Variants in SGCD observed in about 807,000 individuals in gnomAD.
SGCD encodes the protein delta-sarcoglycan.
SGCD carries 18 observed loss-of-function variants against 36.6 expected under a neutral mutation model. The ratio of observed to expected loss-of-function variants is 0.49; its 90% CI spans 0.34 to 0.73. The LOEUF (loss-of-function observed/expected upper bound fraction) is 0.73. Ranked by LOEUF, SGCD falls within the 30% of genes least tolerant of loss-of-function variation. The probability of loss-of-function intolerance (pLI) is 0.01; values close to 1 mark genes in which losing one functional copy is unlikely to be tolerated. For missense variants in SGCD, 387 were observed against 346.7 expected, an observed-to-expected ratio of 1.12 and a Z score of -0.92; for synonymous variants, 133 against 130.6, an observed-to-expected ratio of 1.02 and a Z score of -0.12.
intron 4 of SGCD, among the ~76,000 whole-genome samples, chr5:156,527,305 G>A (rs2113078036): frequency 6.6e-6 from 1 of 152,214 alleles, no homozygotes; most frequent in South Asian, 2.1e-4. Context: ...AACTATAATT[G>A]GAGGCAAAGA....
chr5:156,325,207 C>A (rs1767775563), upstream of SGCD, among the ~76,000 whole-genome samples: 1 of 151,880 alleles, frequency 6.6e-6, no homozygotes, highest in Non-Finnish European at 1.5e-5. Flanking sequence ...AATAAGGCTT[C>A]AGGACAGTTC....
intron 3 of SGCD, among the ~76,000 whole-genome samples, chr5:156,370,081 T>C (rs1315705483): frequency 6.6e-6 from 1 of 152,204 alleles, no homozygotes; most frequent in African/African-American, 2.4e-5. Flanking sequence ...GTGGGCACCC[T>C]CCATAAAGGT....
chr5:156,546,957 G>A (rs562624413), intron 4 of SGCD, among the ~76,000 whole-genome samples: 5 of 152,262 alleles, frequency 3.3e-5, no homozygotes, highest in Admixed American at 1.3e-4. Flanking sequence ...TAATACACTG[G>A]ATTTCAAGTA....
intron 1 of SGCD, among the ~76,000 whole-genome samples, chr5:155,957,420 C>T (rs1757686480): frequency 6.6e-6 from 1 of 152,166 alleles, no homozygotes; most frequent in African/African-American, 2.4e-5. Flanking sequence ...AGCCTGGCTC[C>T]CATTCCTCAA....
chr5:155,819,208 A>G, the SGCD span, among the ~76,000 whole-genome samples: 1 of 152,222 alleles, frequency 6.6e-6, no homozygotes, highest in East Asian at 1.9e-4. Flanking sequence ...AGTACATTAA[A>G]GATTCATTTT....
At chr5:155,739,365 G>C in the SGCD span, among the ~76,000 whole-genome samples, 3 of 152,212 alleles carry the variant, frequency 2.0e-5, no homozygotes, top group Admixed American at 6.5e-5. Context: ...TTGAGAACCA[G>C]CGTGGAAGCC....
At chr5:156,411,035 C>A (rs1210149368) in intron 3 of SGCD, among the ~76,000 whole-genome samples, 2 of 152,090 alleles carry the variant, frequency 1.3e-5, no homozygotes, top group African/African-American at 4.8e-5. Flanking sequence ...GCAAATTATG[C>A]TACAGTCTTT....
intron 1 of SGCD, among the ~76,000 whole-genome samples, chr5:156,031,008 G>A (rs1315799431): frequency 6.6e-6 from 1 of 152,174 alleles, no homozygotes; most frequent in Non-Finnish European, 1.5e-5. Flanking sequence ...TCCAGTAGCA[G>A]CATAAGAAAA....
At chr5:156,423,086 C>G (rs1333730682) in intron 3 of SGCD, among the ~76,000 whole-genome samples, 1 of 135,134 alleles carries the variant, frequency 7.4e-6, no homozygotes, top group Non-Finnish European at 1.6e-5. Flanking sequence ...AGCTCCATTT[C>G]ACGAGGGTCA....
At chr5:156,316,600 C>T (rs1461313109) in intron 3 of SGCD, among the ~76,000 whole-genome samples, 1 of 151,942 alleles carries the variant, frequency 6.6e-6, no homozygotes. Context: ...TGCATAAACA[C>T]AGACACATAA....
chr5:156,351,361 A>G (rs1769242870), intron 3 of SGCD, among the ~76,000 whole-genome samples: 1 of 152,178 alleles, frequency 6.6e-6, no homozygotes, highest in Non-Finnish European at 1.5e-5. Context: ...GAGACCCTTC[A>G]TGACAGTATA....
chr5:156,221,933 A>G (rs1292300132), intron 3 of SGCD, among the ~76,000 whole-genome samples: 2 of 152,014 alleles, frequency 1.3e-5, no homozygotes, highest in Non-Finnish European at 2.9e-5. Context: ...TTGACTTTTC[A>G]TTTTCTAAAA....
intron 1 of SGCD, among the ~76,000 whole-genome samples, chr5:155,994,571 G>A (rs2127565768): frequency 6.6e-6 from 1 of 152,256 alleles, no homozygotes; most frequent in South Asian, 2.1e-4. Context: ...CAATGCTTGG[G>A]ATCAAGTTCT....
intron 3 of SGCD, among the ~76,000 whole-genome samples, chr5:156,481,406 G>T (rs1383821505): frequency 4.6e-5 from 7 of 152,156 alleles, no homozygotes; most frequent in Non-Finnish European, 8.8e-5. Flanking sequence ...AATAATGTGT[G>T]AATTTGGGCC....
intron 1 of SGCD, among the ~76,000 whole-genome samples, chr5:155,922,929 G>T (rs533894752): frequency 1.4e-4 from 22 of 152,294 alleles, no homozygotes; most frequent in African/African-American, 5.1e-4. Context: ...AATGGGTAAT[G>T]AACAAATGTG....
chr5:156,642,524 C>T (rs1763071769), intron 6 of SGCD, among the ~76,000 whole-genome samples: 1 of 133,766 alleles, frequency 7.5e-6, no homozygotes, highest in Non-Finnish European at 1.5e-5. Context: ...GGCTAGAGGG[C>T]AGTGATGGGA....
At chr5:155,958,212 G>C (rs1412235990) in intron 1 of SGCD, among the ~76,000 whole-genome samples, 1 of 152,086 alleles carries the variant, frequency 6.6e-6, no homozygotes, top group Non-Finnish European at 1.5e-5. Context: ...GTAAAGCACT[G>C]TATTAATGAA....
intron 1 of SGCD, among the ~76,000 whole-genome samples, chr5:156,073,531 C>G (rs1760658647): frequency 6.6e-6 from 1 of 152,186 alleles, no homozygotes; most frequent in South Asian, 2.1e-4. Flanking sequence ...CCACTGCACT[C>G]TAGCCTGGGT....
intron 7 of SGCD, among the ~76,000 whole-genome samples, chr5:156,722,847 G>A (rs890955982): frequency 1.3e-5 from 2 of 151,980 alleles, no homozygotes; most frequent in African/African-American, 4.8e-5. Context: ...CTACTCTCTG[G>A]GGCCACACAA....
Sources: gnomAD v4.1 joint callset for allele counts (sites outside exome capture counted in the v4.1 genomes callset) on GRCh38, gnomAD v4.1.1 for gene constraint, MANE v1.5 for transcripts, NCBI Gene and HGNC (gene_info 2026-07-23, HGNC 2026-07-21) for gene names.